The following ADAMTS17 variants were observed in gnomAD, a reference collection of about 807,000 sequenced individuals.
ADAMTS17 encodes ADAM metallopeptidase with thrombospondin type 1 motif 17.
ADAMTS17 carries 113 observed loss-of-function variants against 141.5 expected under a neutral mutation model. The observed-to-expected ratio is 0.80, with a 90% CI of 0.69 to 0.93. The LOEUF (loss-of-function observed/expected upper bound fraction) is 0.93, where lower values mean the gene tolerates loss of function less well. Among genes scored for constraint, ADAMTS17 ranks in the 40% least tolerant of loss-of-function variants. ADAMTS17 has a pLI of 0.00. For synonymous variants in ADAMTS17, 768 were observed against 630.6 expected (o/e 1.22, Z -3.27); for missense variants, 1,659 against 1,517.9 (o/e 1.09, Z -1.54).
chr15:100,194,773 A>G (rs2041047696), intron 8 of ADAMTS17, among the ~76,000 whole-genome samples: 1 of 152,274 alleles, frequency 6.6e-6, no homozygotes, highest in Non-Finnish European at 1.5e-5. Context: ...CTTGAAGGAG[A>G]AAACCCTGGG....
chr15:100,274,261 G>C (rs922475466), intron 4 of ADAMTS17, among the ~76,000 whole-genome samples: 1 of 152,176 alleles, frequency 6.6e-6, no homozygotes, highest in Non-Finnish European at 1.5e-5. Context: ...CTACTAATGA[G>C]AGTGGGGATT....
At chr15:100,325,545 T>C (rs903773063) in intron 3 of ADAMTS17, among the ~76,000 whole-genome samples, 1 of 152,200 alleles carries the variant, frequency 6.6e-6, no homozygotes, top group Non-Finnish European at 1.5e-5. Context: ...TGGAGCCTAG[T>C]GGGAGGTGGC....
chr15:100,213,942 C>T (rs1018468982), intron 7 of ADAMTS17, among the ~76,000 whole-genome samples: 3 of 152,222 alleles, frequency 2.0e-5, no homozygotes, highest in Non-Finnish European at 4.4e-5. Context: ...CATGGTAGCT[C>T]TTTTTTTCTC....
intron 3 of ADAMTS17, among the ~76,000 whole-genome samples, chr15:100,297,951 A>G (rs1478010079): frequency 6.6e-6 from 1 of 152,110 alleles, no homozygotes; most frequent in East Asian, 1.9e-4. Flanking sequence ...CCTGAGAGGC[A>G]GGGCTGCGTG....
intron 8 of ADAMTS17, among the ~76,000 whole-genome samples, chr15:100,178,199 G>A (rs1347160330): frequency 1.3e-5 from 2 of 152,074 alleles, no homozygotes; most frequent in Non-Finnish European, 2.9e-5. Flanking sequence ...GATTAAGTGT[G>A]CCATTTTATT....
At chr15:100,155,427 C>A in intron 8 of ADAMTS17, 107 bp from the exon 9 acceptor site, 2 of 1,483,834 alleles carry the variant, frequency 1.3e-6, no homozygotes, top group South Asian at 2.4e-5. Flanking sequence ...AAAACAAAAA[C>A]GGACGTAACG....
intron 15 of ADAMTS17, among the ~76,000 whole-genome samples, chr15:100,055,749 C>G (rs1380711402): frequency 6.6e-6 from 1 of 152,228 alleles, no homozygotes; most frequent in East Asian, 1.9e-4. Flanking sequence ...TTTTTCTCTT[C>G]TTCTGCCACC....
At chr15:100,024,986 C>T (rs910218434) in intron 18 of ADAMTS17, among the ~76,000 whole-genome samples, 8 of 152,156 alleles carry the variant, frequency 5.3e-5, no homozygotes, top group African/African-American at 1.2e-4. Context: ...ATTAGATAAG[C>T]GGGGAGCTCC....
At chr15:100,162,844 ATAGT>A (rs998453785) in intron 8 of ADAMTS17, among the ~76,000 whole-genome samples, 5 of 146,810 alleles carry the variant, frequency 3.4e-5, no homozygotes, top group South Asian at 4.2e-4. Flanking sequence ...ATAACTATAT[ATAGT>A]TATATATCTG....
chr15:100,198,591 A>T (rs536574685), intron 8 of ADAMTS17, among the ~76,000 whole-genome samples: 2 of 152,340 alleles, frequency 1.3e-5, no homozygotes, highest in South Asian at 4.1e-4. Context: ...GTCATATCAC[A>T]ATCTTTCCTT....
intron 7 of ADAMTS17, among the ~76,000 whole-genome samples, chr15:100,220,210 TC>T (rs144423496): frequency 0.04 from 6,054 of 152,068 alleles, 181 homozygotes; most frequent in Non-Finnish European, 0.062. Context: ...ACCAGCACAC[TC>T]CCCAGCAAGG....
intron 9 of ADAMTS17, among the ~76,000 whole-genome samples, chr15:100,154,541 AG>A (rs1322218242): frequency 6.6e-6 from 1 of 152,138 alleles, no homozygotes; most frequent in Admixed American, 6.5e-5. Flanking sequence ...CTCAGTGACC[AG>A]GGCCTGCACA....
At chr15:100,211,537 G>T (rs1306851049) in intron 7 of ADAMTS17, among the ~76,000 whole-genome samples, 2 of 150,184 alleles carry the variant, frequency 1.3e-5, no homozygotes, top group Non-Finnish European at 2.9e-5. Flanking sequence ...AGAGGAAAAT[G>T]TAGTGGAGGT....
At chr15:100,307,578 G>A (rs976901976) in intron 3 of ADAMTS17, among the ~76,000 whole-genome samples, 1 of 152,212 alleles carries the variant, frequency 6.6e-6, no homozygotes, top group African/African-American at 2.4e-5. Flanking sequence ...GCTTGAGATG[G>A]AGAGAGGGCT....
At chr15:100,084,785 C>G (rs933291310) in intron 15 of ADAMTS17, among the ~76,000 whole-genome samples, 2 of 152,232 alleles carry the variant, frequency 1.3e-5, no homozygotes, top group Non-Finnish European at 2.9e-5. Context: ...TGAGGGTCCT[C>G]ACTGTCAGAA....
In ADAMTS17 at chr15:100,200,804, T is replaced by C. The variant is rs187902491; in HGVS notation, c.1076-1381A>G. The stretch of plus-strand genomic sequence containing the variant: ...GGAGCACTTGCTCTCCCCCATGGGC[T>C]GTCCCTCTGTCGAGCTGCACCTGCT... On this transcript the variant is annotated intron_variant, in intron 7 of 21. Coordinates refer to ENST00000268070, the MANE Select transcript of ADAMTS17 (RefSeq NM_139057.4). Among the ~76,000 whole-genome samples the C allele has an allele frequency of 1.5e-3, 223 of 152,208 alleles. 1 individual carries two copies. Among genetic ancestry groups the C allele is most frequent in the African/African-American group, 5.2e-3 (214 of 41,514 alleles).
chr15:99,999,893 C>A (rs2060885312), intron 18 of ADAMTS17, among the ~76,000 whole-genome samples: 2 of 152,278 alleles, frequency 1.3e-5, no homozygotes, highest in South Asian at 4.1e-4. Flanking sequence ...TCCCAGAGCA[C>A]CTCCTCTGGA....
chr15:100,077,533 A>G (rs942173292), intron 15 of ADAMTS17, among the ~76,000 whole-genome samples: 3 of 152,000 alleles, frequency 2.0e-5, no homozygotes, highest in African/African-American at 7.2e-5. Context: ...GATCATCTCA[A>G]TAGGTGCAGG....
intron 4 of ADAMTS17, among the ~76,000 whole-genome samples, chr15:100,279,313 T>G (rs1460397155): frequency 6.6e-6 from 1 of 152,146 alleles, no homozygotes; most frequent in Non-Finnish European, 1.5e-5. Flanking sequence ...CCAGCGCTCA[T>G]CACACCAAGC....
Sources: allele counts gnomAD v4.1 joint callset (sites outside exome capture counted in the v4.1 genomes callset), GRCh38; gene constraint gnomAD v4.1.1; transcripts MANE v1.5; gene names NCBI Gene and HGNC (gene_info 2026-07-23, HGNC 2026-07-21).